The following ERBB4 variants were observed in gnomAD, a reference collection of about 807,000 sequenced individuals.
ERBB4 encodes the protein receptor tyrosine-protein kinase erbB-4.
A neutral mutation model predicts 158.0 loss-of-function variants in ERBB4; 42 were observed. The observed-to-expected ratio is 0.27, with a 90% CI of 0.21 to 0.34. The LOEUF (loss-of-function observed/expected upper bound fraction) is 0.34. Ranked by LOEUF, ERBB4 falls within the 10% of genes least tolerant of loss-of-function variation. The pLI is 1.00. For synonymous variants in ERBB4, 583 were observed against 558.7 expected, an observed-to-expected ratio of 1.04 and a Z score of -0.61; for missense variants, 1,333 against 1,624.1, an observed-to-expected ratio of 0.82 and a Z score of 3.08.
chr2:211,673,979 T>G (rs183303741), intron 13 of ERBB4, among the ~76,000 whole-genome samples: 1 of 152,134 alleles, frequency 6.6e-6, no homozygotes, highest in Non-Finnish European at 1.5e-5. Context: ...GGGATGGTGG[T>G]CATCCCTTCC....
At chr2:212,141,469 A>C (rs1189721839) in intron 1 of ERBB4, among the ~76,000 whole-genome samples, 1 of 152,098 alleles carries the variant, frequency 6.6e-6, no homozygotes, top group East Asian at 1.9e-4. Context: ...GCTTCAGTCA[A>C]GTGAGTGCAT....
At chr2:211,749,765 G>C (rs1283120830) in intron 5 of ERBB4, among the ~76,000 whole-genome samples, 1 of 152,046 alleles carries the variant, frequency 6.6e-6, no homozygotes, top group East Asian at 1.9e-4. Context: ...TCATCTAAGA[G>C]TGTAATATTT....
At chr2:211,541,856 T>C (rs1306711882) in intron 20 of ERBB4, among the ~76,000 whole-genome samples, 2 of 152,084 alleles carry the variant, frequency 1.3e-5, no homozygotes, top group East Asian at 3.9e-4. Flanking sequence ...TTATGCATGT[T>C]AACTGTCACG....
chr2:211,702,187 A>G (rs1206180307), intron 11 of ERBB4, 21 bp from the exon 12 acceptor site: 1 of 1,592,792 alleles, frequency 6.3e-7, no homozygotes. Flanking sequence ...GGAAGTGAGA[A>G]AACGGAACCA....
chr2:212,185,942 T>C (rs550536363), intron 1 of ERBB4, among the ~76,000 whole-genome samples: 33 of 152,318 alleles, frequency 2.2e-4, no homozygotes, highest in African/African-American at 7.7e-4. Flanking sequence ...AGTTGTCTAA[T>C]GAATGTTTAA....
At chr2:211,886,536 T>A (rs1290350538) in intron 3 of ERBB4, among the ~76,000 whole-genome samples, 3 of 152,144 alleles carry the variant, frequency 2.0e-5, no homozygotes, top group Non-Finnish European at 4.4e-5. Context: ...ATGTGCCCAC[T>A]GACTATATAA....
chr2:212,117,788 C>T (rs1438681151), intron 2 of ERBB4, among the ~76,000 whole-genome samples: 1 of 152,026 alleles, frequency 6.6e-6, no homozygotes, highest in Non-Finnish European at 1.5e-5. Flanking sequence ...TCTAATGTTT[C>T]TAAAATATGA....
At chr2:211,815,798 T>G (rs6757087) in intron 3 of ERBB4, among the ~76,000 whole-genome samples, 62,053 of 151,962 alleles carry the variant, frequency 0.41, 12,929 homozygotes, top group Middle Eastern at 0.49. Flanking sequence ...TATAATCATC[T>G]GCCAGCGCAG....
intron 4 of ERBB4, among the ~76,000 whole-genome samples, chr2:211,752,209 C>T (rs2075152182): frequency 6.6e-6 from 1 of 151,850 alleles, no homozygotes; most frequent in South Asian, 2.1e-4. Flanking sequence ...GCTAATAAAT[C>T]TAAATTGATT....
intron 25 of ERBB4, among the ~76,000 whole-genome samples, chr2:211,395,767 TCA>T (rs1042819665): frequency 6.6e-6 from 1 of 152,064 alleles, no homozygotes; most frequent in African/African-American, 2.4e-5. Flanking sequence ...AGGTTGCCCT[TCA>T]CAGAGAAGAG....
chr2:211,854,911 T>G (rs2077813945), intron 3 of ERBB4, among the ~76,000 whole-genome samples: 1 of 152,138 alleles, frequency 6.6e-6, no homozygotes, highest in African/African-American at 2.4e-5. Flanking sequence ...GGTAGGCATA[T>G]TATACCTTTA....
At chr2:212,032,541 G>A (rs1245636000) in intron 2 of ERBB4, among the ~76,000 whole-genome samples, 1 of 151,942 alleles carries the variant, frequency 6.6e-6, no homozygotes, top group Non-Finnish European at 1.5e-5. Context: ...CACCACTTTT[G>A]ATAAGTACAT....
chr2:212,082,986 G>A (rs2078491383), intron 2 of ERBB4, among the ~76,000 whole-genome samples: 1 of 151,866 alleles, frequency 6.6e-6, no homozygotes, highest in African/African-American at 2.4e-5. Flanking sequence ...ATCTACTGAT[G>A]AACAAATGAA....
intron 3 of ERBB4, among the ~76,000 whole-genome samples, chr2:211,810,007 A>T (rs1214851804): frequency 6.6e-6 from 1 of 152,160 alleles, no homozygotes; most frequent in East Asian, 1.9e-4. Flanking sequence ...GTTTTGAGTG[A>T]GTTTCTTAAT....
chr2:212,195,860 G>A (rs557949413), intron 1 of ERBB4, among the ~76,000 whole-genome samples: 6 of 152,050 alleles, frequency 3.9e-5, no homozygotes, highest in South Asian at 4.1e-4. Flanking sequence ...GTTTCCTTTC[G>A]TTATAGAGTT....
chr2:211,840,939 A>AC (rs912828161), intron 3 of ERBB4, among the ~76,000 whole-genome samples: 2 of 152,018 alleles, frequency 1.3e-5, no homozygotes, highest in Non-Finnish European at 2.9e-5. Flanking sequence ...AAAACATTTT[A>AC]CTAATGTCAC....
rs568310484 is a variant in ERBB4 at position 212,087,498 on chromosome 2, T to C, written c.234+37254A>G. 2.0e-5 allele frequency among the ~76,000 whole-genome samples: 3 copies of C among 152,202 alleles called. No homozygotes were observed. The East Asian group carries it at 5.8e-4, about 29-fold the overall frequency. On this transcript the variant is annotated intron_variant, in intron 2 of 27. Transcript: ENST00000342788. ...TGGTTCCTGGCACATAGTAAGTGCT[T>C]AACAAATGTTTGGTGAATTAATAAA... is the stretch of plus-strand genomic sequence containing the variant.
rs2081342299 is a variant in ERBB4, at chr2:211,967,631, A to G, written c.235-20015T>C. Among the ~76,000 whole-genome samples the G allele has an allele frequency of 1.3e-5, 2 of 152,068 alleles. 1 individual carries two copies. Among genetic ancestry groups the G allele is most frequent in the South Asian group, 4.1e-4 (2 of 4,830 alleles). The stretch of plus-strand genomic sequence containing the variant: ...AAGGACCAAAATTAGATTCACTAAT[A>G]AAGAATTACATAGAATATATATGCA... On this transcript the variant is annotated intron_variant, in intron 2 of 27. Transcript: ENST00000342788.
chr2:211,657,745 A>G lies in ERBB4; in HGVS notation c.1946+9T>C. On this transcript the variant is annotated intron_variant, in intron 16 of 27. Transcript: ENST00000342788. Reference sequence around the variant, plus strand: ...TTGAGCGACAAAATGGAAACATGGTAGATGTTACCTAGCATGTTGTGGTAA... The same window carrying G: ...TTGAGCGACAAAATGGAAACATGGTGGATGTTACCTAGCATGTTGTGGTAA... 1.2e-6 allele frequency: 2 copies of G among 1,605,852 alleles called. No homozygotes were observed. Among genetic ancestry groups the G allele is most frequent in the Non-Finnish European group, 1.7e-6 (2 of 1,172,410 alleles).
Sources: gnomAD v4.1 joint callset for allele counts (sites outside exome capture counted in the v4.1 genomes callset) on GRCh38, gnomAD v4.1.1 for gene constraint, MANE v1.5 for transcripts, NCBI Gene and HGNC (gene_info 2026-07-23, HGNC 2026-07-21) for gene names.